PAX3: variants seen among roughly 807,000 people sequenced by gnomAD.
PAX3 encodes the protein paired box 3.
A neutral mutation model predicts 51.6 loss-of-function variants in PAX3; 14 were observed. The observed-to-expected ratio is 0.27, with a 90% CI of 0.18 to 0.42. PAX3 has a LOEUF of 0.42. Ranked by LOEUF, PAX3 falls within the 10% of genes least tolerant of loss-of-function variation. PAX3 has a pLI of 1.00. For missense variants in PAX3, 540 were observed against 642.8 expected (o/e 0.84, Z 1.73); for synonymous variants, 280 against 253.4 (o/e 1.11, Z -1.00).
rs1691281646 is a variant in PAX3, at chr2:222,201,300, C to T, written c.*108G>A. Reference sequence around the variant, plus strand: ...TCTCCTATTGGGACCACTGCCCCACCCCCCCCAACAAAAGGGTAATTTTTT... The same window carrying T: ...TCTCCTATTGGGACCACTGCCCCACTCCCCCCAACAAAAGGGTAATTTTTT... On this transcript the variant is annotated 3_prime_UTR_variant, in exon 9 of 9. Coordinates refer to ENST00000392070, the MANE Select transcript of PAX3 (RefSeq NM_181458.4). 2.5e-6 allele frequency: 4 copies of T among 1,610,372 alleles called. No homozygotes were observed. Among genetic ancestry groups the T allele is most frequent in the Non-Finnish European group, 1.7e-6 (2 of 1,178,104 alleles).
At chr2:222,259,293 TACATTCTGCGATGG>T (rs1341860443) in intron 4 of PAX3, among the ~76,000 whole-genome samples, 3 of 152,226 alleles carry the variant, frequency 2.0e-5, no homozygotes, top group Non-Finnish European at 4.4e-5. Flanking sequence ...CACTTCCTGA[TACATTCTGCGATGG>T]AAATTCTTAA....
intron 5 of PAX3, among the ~76,000 whole-genome samples, chr2:222,229,511 G>T (rs979879587): frequency 6.6e-6 from 1 of 151,816 alleles, no homozygotes; most frequent in African/African-American, 2.4e-5. Flanking sequence ...TTACACAATC[G>T]GTTGTCCATT....
chr2:222,217,038 G>A (rs1691989704), intron 7 of PAX3, among the ~76,000 whole-genome samples: 1 of 152,194 alleles, frequency 6.6e-6, no homozygotes, highest in Non-Finnish European at 1.5e-5. Flanking sequence ...TAAAGACAGA[G>A]AAAAGGCAAG....
At chr2:222,240,883 G>A (rs576363634) in intron 4 of PAX3, among the ~76,000 whole-genome samples, 2 of 152,162 alleles carry the variant, frequency 1.3e-5, no homozygotes, top group South Asian at 2.1e-4. Context: ...TTTTTAAAAC[G>A]CCATGGTAAC....
chr2:222,278,616 C>A (rs925186406), intron 4 of PAX3, among the ~76,000 whole-genome samples: 2 of 152,218 alleles, frequency 1.3e-5, no homozygotes, highest in Non-Finnish European at 2.9e-5. Context: ...TGGAGGGATG[C>A]TCTTGGTCCA....
intron 4 of PAX3, among the ~76,000 whole-genome samples, chr2:222,258,348 C>A (rs1693724851): frequency 6.6e-6 from 1 of 152,122 alleles, no homozygotes; most frequent in African/African-American, 2.4e-5. Context: ...ATTATTATTA[C>A]CCATTATTAG....
chr2:222,262,597 A>G (rs1001185660), intron 4 of PAX3: 4 of 69,126 alleles, frequency 5.8e-5, no homozygotes, highest in African/African-American at 1.6e-4. Context: ...AATTGTTCTC[A>G]GAAGGTTTTT....
intron 7 of PAX3, among the ~76,000 whole-genome samples, chr2:222,216,530 T>C (rs535925218): frequency 2.0e-5 from 3 of 152,262 alleles, no homozygotes; most frequent in Non-Finnish European, 2.9e-5. Context: ...AGGTGTGACC[T>C]CCCTGAGACA....
Position 222,298,824 on chromosome 2 carries a change from G to T in PAX3, c.-209C>A. ...ACCCGGGAAAGGGGAGGACGGGGAGGCCCCGGAGTCCAGGATCCCGAGCCC... is the reference window on the plus strand; with the variant it reads ...ACCCGGGAAAGGGGAGGACGGGGAGTCCCCGGAGTCCAGGATCCCGAGCCC... On this transcript the variant is annotated 5_prime_UTR_variant, in exon 1 of 9. Coordinates refer to ENST00000392070, the MANE Select transcript of PAX3 (RefSeq NM_181458.4). 2 of 610,484 alleles carry T rather than the reference G, an allele frequency of 3.3e-6. No individual in the cohort carries two copies. The highest frequency in any genetic ancestry group is 2.8e-5 in the East Asian group (1 of 36,220). The allele number at this position is 610,484 out of a possible 1,614,324, so 37.8% of individuals were successfully genotyped here.
intron 4 of PAX3, chr2:222,264,004 C>G (rs182522407): frequency 1.3e-5 from 2 of 152,194 alleles, no homozygotes; most frequent in East Asian, 3.9e-4. Context: ...AATTTCAAAG[C>G]GAGGTTTTTG....
chr2:222,223,766 A>T (rs1000983949), intron 5 of PAX3, among the ~76,000 whole-genome samples: 1 of 152,162 alleles, frequency 6.6e-6, no homozygotes, highest in African/African-American at 2.4e-5. Flanking sequence ...ATGTAACTTC[A>T]CTCATGAAGA....
At chr2:222,282,042 G>C (rs914562574) in intron 4 of PAX3, among the ~76,000 whole-genome samples, 3 of 152,124 alleles carry the variant, frequency 2.0e-5, no homozygotes, top group Non-Finnish European at 4.4e-5. Context: ...CGTGTTTTTG[G>C]TTTTTTCTTA....
At chr2:222,241,145 T>C (rs1692999894) in intron 4 of PAX3, among the ~76,000 whole-genome samples, 1 of 152,154 alleles carries the variant, frequency 6.6e-6, no homozygotes, top group South Asian at 2.1e-4. Context: ...TTACTGGGAT[T>C]GGATTGCAAG....
At chr2:222,295,939 A>G (rs1695272739) in intron 2 of PAX3, among the ~76,000 whole-genome samples, 1 of 152,048 alleles carries the variant, frequency 6.6e-6, no homozygotes, top group Admixed American at 6.6e-5. Context: ...TGATGGGGGT[A>G]GGGTGGGGTT....
At chr2:222,245,043 G>A (rs978088226) in intron 4 of PAX3, among the ~76,000 whole-genome samples, 6 of 152,168 alleles carry the variant, frequency 3.9e-5, no homozygotes, top group African/African-American at 1.4e-4. Flanking sequence ...AGCTATTCAG[G>A]AGGCTGAGGC....
At chr2:222,284,728 C>A (rs1357010290) in intron 4 of PAX3, among the ~76,000 whole-genome samples, 1 of 152,194 alleles carries the variant, frequency 6.6e-6, no homozygotes, top group African/African-American at 2.4e-5. Context: ...AGGCTGGTCA[C>A]TTTCTGAGTG....
In PAX3 at chr2:222,296,967, C is replaced by A. The variant is rs762149844; in HGVS notation, c.321+11G>T. On this transcript the variant is annotated intron_variant, in intron 2 of 8. Coordinates refer to ENST00000392070, the MANE Select transcript of PAX3 (RefSeq NM_181458.4). ...GTCTGGGAGCCAGGAGGGCAAGGCC[C>A]GCCCGCTCACCTTGGGCTTGCTGCC... The A allele has an allele frequency of 6.2e-6, 10 of 1,606,128 alleles. No individual in the cohort carries two copies. The highest frequency in any genetic ancestry group is 8.5e-6 in the Non-Finnish European group (10 of 1,175,512).
intron 4 of PAX3, chr2:222,293,705 A>ACTCT: frequency 6.2e-7 from 1 of 1,602,578 alleles, no homozygotes; most frequent in Non-Finnish European, 8.5e-7. Context: ...CCAAAAGAGT[A>ACTCT]CTCTCTCTCT....
At chr2:222,295,719 C>T (rs1297253137) in intron 2 of PAX3, 62 bp from the exon 3 acceptor site, 2 of 1,601,336 alleles carry the variant, frequency 1.2e-6, no homozygotes, top group Non-Finnish European at 1.7e-6. Flanking sequence ...GGCGGCGGCC[C>T]CACCGCCTCT....
Sources: gnomAD v4.1 joint callset for allele counts (sites outside exome capture counted in the v4.1 genomes callset) on GRCh38, gnomAD v4.1.1 for gene constraint, MANE v1.5 for transcripts, NCBI Gene and HGNC (gene_info 2026-07-23, HGNC 2026-07-21) for gene names.